EZH1: variants seen among roughly 807,000 people sequenced by gnomAD.
EZH1 encodes the protein histone-lysine N-methyltransferase EZH1.
Under a neutral mutation model 100.5 loss-of-function variants are expected in EZH1, and 33 were observed. The observed-to-expected ratio is 0.33, with a 90% CI of 0.25 to 0.44. EZH1 has a LOEUF of 0.44. Ranked by LOEUF, EZH1 falls within the 20% of genes least tolerant of loss-of-function variation. The pLI, the probability that EZH1 is intolerant of heterozygous loss-of-function variation, is 1.00. For missense variants in EZH1, 475 were observed against 928.4 expected (o/e 0.51, Z 6.35); for synonymous variants, 272 against 313.8 (o/e 0.87, Z 1.41).
Position 42,718,674 on chromosome 17 carries a change from TAC to T in EZH1, c.768-59_768-58del. 1 of 1,589,668 alleles carries T rather than the reference TAC, an allele frequency of 6.3e-7. No individual in the cohort carries two copies. Among genetic ancestry groups the T allele is most frequent in the Non-Finnish European group, 8.6e-7 (1 of 1,162,040 alleles). ...CGAGGAACTGCCTCCACTGAGGAAA[TAC>T]AGATTGGGTACTGACAGTAGCTCAC... On this transcript the variant is annotated intron_variant, in intron 8 of 20. Transcript: ENST00000428826. This position sits in a 1 kb window ranked among gnomAD's most constrained non-coding sequence, Gnocchi z 4.2.
intron 10 of EZH1, among the ~76,000 whole-genome samples, chr17:42,717,762 T>C (rs1031914981): frequency 6.6e-6 from 1 of 152,228 alleles, no homozygotes; most frequent in Non-Finnish European, 1.5e-5. Flanking sequence ...AAGCCTTTAA[T>C]GATCTTCGAA....
At chr17:42,722,996 C>A (rs2053745562) in intron 5 of EZH1, 81 bp from the exon 6 acceptor site, 1 of 1,504,384 alleles carries the variant, frequency 6.6e-7, no homozygotes, top group Admixed American at 2.2e-5. Flanking sequence ...CTTTGCTGAG[C>A]TTTGTTTGTT....
At chr17:42,705,326 C>T (rs1171718085) in intron 16 of EZH1, 143 bp from the exon 17 acceptor site, 3 of 545,966 alleles carry the variant, frequency 5.5e-6, no homozygotes, top group Non-Finnish European at 9.9e-6. Context: ...AGGTCTAACC[C>T]ATTCTTTTCT....
intron 7 of EZH1, 60 bp from the exon 8 acceptor site, chr17:42,719,267 G>T (rs1454127736): frequency 7.7e-7 from 1 of 1,293,964 alleles, no homozygotes; most frequent in Non-Finnish European, 1.1e-6. Context: ...AAACAAATCT[G>T]TGTGATCTTT....
intron 3 of EZH1, 45 bp from the exon 4 acceptor site, chr17:42,727,808 A>T: frequency 7.6e-7 from 1 of 1,311,950 alleles, no homozygotes; most frequent in Non-Finnish European, 9.9e-7. Flanking sequence ...TTATTTTATT[A>T]ATTAATTAAT....
At chr17:42,734,537 G>A (rs1435983602) in intron 1 of EZH1, among the ~76,000 whole-genome samples, 2 of 151,950 alleles carry the variant, frequency 1.3e-5, no homozygotes, top group Non-Finnish European at 2.9e-5. Flanking sequence ...GGTAGCCTGT[G>A]CCTGCAGTCA....
intron 10 of EZH1, among the ~76,000 whole-genome samples, chr17:42,713,629 G>T (rs762826530): frequency 8.6e-5 from 13 of 151,940 alleles, no homozygotes; most frequent in Non-Finnish European, 1.8e-4. Flanking sequence ...TTGAGACAGG[G>T]TCTCTCTCTC....
In EZH1 at chr17:42,703,826, T is replaced by C. The variant is rs1182757844; in HGVS notation, c.2018-6A>G. The C allele has an allele frequency of 1.4e-5, 22 of 1,609,266 alleles. No individual in the cohort carries two copies. Among genetic ancestry groups the C allele is most frequent in the Non-Finnish European group, 1.8e-5 (21 of 1,176,078 alleles). ...AGTAGCATCCACTACAAAATCTGTA[T>C]AAAGTAAATCAAGGAAAACCATAAG... is the stretch of plus-strand genomic sequence containing the variant. On this transcript the variant is annotated splice_region_variant and splice_polypyrimidine_tract_variant and intron_variant, in intron 18 of 20. Coordinates refer to ENST00000428826, the MANE Select transcript of EZH1 (RefSeq NM_001991.5).
chr17:42,730,301 C>T (rs1356386524), intron 2 of EZH1, among the ~76,000 whole-genome samples: 2 of 152,036 alleles, frequency 1.3e-5, no homozygotes, highest in African/African-American at 4.8e-5. Flanking sequence ...GAAAGATCCA[C>T]CCATGCTACA....
At chr17:42,739,351 A>G (rs928623672) in intron 1 of EZH1, among the ~76,000 whole-genome samples, 3 of 152,234 alleles carry the variant, frequency 2.0e-5, no homozygotes, top group Admixed American at 1.3e-4. Context: ...ACACACAGAA[A>G]GAACCTTCCT....
intron 4 of EZH1, chr17:42,724,709 C>T (rs1185174196): frequency 7.9e-6 from 2 of 254,234 alleles, no homozygotes; most frequent in African/African-American, 4.4e-5. Context: ...TCACTTGAAC[C>T]TGGGAGGCAG....
At chr17:42,723,007 G>T in intron 5 of EZH1, 92 bp from the exon 6 acceptor site, 1 of 1,467,328 alleles carries the variant, frequency 6.8e-7, no homozygotes, top group South Asian at 1.4e-5. Context: ...TTTGTTTGTT[G>T]CTTGAGTCTC....
intron 1 of EZH1, among the ~76,000 whole-genome samples, chr17:42,744,790 C>T (rs568397023): frequency 1.3e-5 from 2 of 151,968 alleles, no homozygotes; most frequent in African/African-American, 4.8e-5. Context: ...CCCTCGCAGC[C>T]CCAGACGCTG....
chr17:42,720,720 C>T (rs552844981), intron 6 of EZH1, among the ~76,000 whole-genome samples: 82 of 152,134 alleles, frequency 5.4e-4, no homozygotes, highest in South Asian at 8.3e-4. Context: ...AGTGCAATGG[C>T]GCGATCTTGG....
intron 18 of EZH1, among the ~76,000 whole-genome samples, 153 bp downstream of exon 18, chr17:42,704,449 G>A (rs956817137): frequency 3.3e-5 from 5 of 152,006 alleles, no homozygotes; most frequent in South Asian, 2.1e-4. Context: ...GCTGAGGCAG[G>A]AGAATCACTT....
chr17:42,727,592 C>T lies in EZH1; in HGVS notation c.246+43G>A, dbSNP rs532684964. ...CACAAATATAGGAAAAAGCTTTAAG[C>T]CCAAGGAAGAGAGGAAGACTGAGCT... On this transcript the variant is annotated intron_variant, in intron 4 of 20. Coordinates refer to ENST00000428826, the MANE Select transcript of EZH1 (RefSeq NM_001991.5). The T allele has an allele frequency of 5.7e-6, 9 of 1,583,714 alleles. No homozygotes were observed. The East Asian group carries it at 1.6e-4, about 29-fold the overall frequency.
At chr17:42,712,098 A>G (rs2053495681) in intron 12 of EZH1, among the ~76,000 whole-genome samples, 191 bp downstream of exon 12, 1 of 152,202 alleles carries the variant, frequency 6.6e-6, no homozygotes, top group South Asian at 2.1e-4. Flanking sequence ...CGGGTCCCCA[A>G]ACATCATTAG....
At chr17:42,705,275 G>A (rs1219877799) in intron 16 of EZH1, 92 bp from the exon 17 acceptor site, 1 of 668,940 alleles carries the variant, frequency 1.5e-6, no homozygotes, top group East Asian at 2.7e-5. Context: ...GGGTGGGGTG[G>A]AAAGAACCAG....
intron 1 of EZH1, 55 bp from the exon 2 acceptor site, chr17:42,730,973 C>A: frequency 1.3e-6 from 1 of 769,690 alleles, no homozygotes. Flanking sequence ...CAAGTTAGAC[C>A]CTGACACCCT....
Sources: gnomAD v4.1 joint callset for allele counts (sites outside exome capture counted in the v4.1 genomes callset) on GRCh38, gnomAD v4.1.1 for gene constraint, Gnocchi (gnomAD v3.1) non-coding constraint, MANE v1.5 for transcripts, NCBI Gene and HGNC (gene_info 2026-07-23, HGNC 2026-07-21) for gene names.